Variants in FXYD6 observed in about 807,000 individuals in gnomAD.
FXYD6 encodes FXYD domain containing ion transport regulator 6.
In FXYD6, 7 loss-of-function variants were observed where a neutral mutation model predicts 16.7. The ratio of observed to expected loss-of-function variants is 0.42; its 90% CI spans 0.24 to 0.79. The LOEUF (loss-of-function observed/expected upper bound fraction) is 0.79. FXYD6 is among the 30% of genes least tolerant of loss of function. The pLI, the probability that FXYD6 is intolerant of heterozygous loss-of-function variation, is 0.28. For synonymous variants in FXYD6, 49 were observed against 43.0 expected, an observed-to-expected ratio of 1.14 and a Z score of -0.54; for missense variants, 111 against 116.2, an observed-to-expected ratio of 0.95 and a Z score of 0.21.
chr11:117,846,026 T>A (rs1390129238), intron 1 of FXYD6, among the ~76,000 whole-genome samples: 1 of 152,212 alleles, frequency 6.6e-6, no homozygotes, highest in Admixed American at 6.5e-5. Context: ...TAAAATTGTT[T>A]CCACAGTGGT....
chr11:117,858,508 C>G (rs995653839), intron 1 of FXYD6, among the ~76,000 whole-genome samples: 1 of 152,064 alleles, frequency 6.6e-6, no homozygotes, highest in Non-Finnish European at 1.5e-5. Context: ...CAGCCTCACA[C>G]CCCCAACTTT....
chr11:117,864,070 A>G (rs542984656), intron 1 of FXYD6, among the ~76,000 whole-genome samples: 12 of 152,206 alleles, frequency 7.9e-5, no homozygotes, highest in Non-Finnish European at 1.6e-4. Context: ...AATCCCAATG[A>G]CATGTTTTTG....
chr11:117,841,649 A>G, intron 4 of FXYD6, 142 bp downstream of exon 4: 2 of 827,138 alleles, frequency 2.4e-6, no homozygotes, highest in Non-Finnish European at 4.0e-6. Flanking sequence ...CCAGCACTCT[A>G]CTGGGTCGTG....
intron 1 of FXYD6, among the ~76,000 whole-genome samples, chr11:117,864,541 G>A (rs2056973529): frequency 6.6e-6 from 1 of 151,694 alleles, no homozygotes; most frequent in South Asian, 2.1e-4. Context: ...ATGGTTTCTT[G>A]AATAGGACAA....
At chr11:117,840,484 T>C in intron 5 of FXYD6, 116 bp from the exon 6 acceptor site, 1 of 1,396,124 alleles carries the variant, frequency 7.2e-7, no homozygotes, top group South Asian at 1.2e-5. Flanking sequence ...CCCAGTGCCC[T>C]GAGGGGCTGG....
Position 117,837,912 on chromosome 11 carries a change from G to A in FXYD6, c.*387C>T, listed in dbSNP as rs1224482856. 4.8e-6 allele frequency: 2 copies of A among 420,704 alleles called. No individual in the cohort carries two copies. The highest frequency in any genetic ancestry group is 8.7e-6 in the Non-Finnish European group (2 of 229,360). 26.1% of individuals were successfully genotyped at this position (420,704 alleles called of 1,614,324 possible). A position where few individuals can be genotyped will look rare whatever the true frequency, so the allele number is the denominator to read the frequency against. ...AGCAGAAGGTGATGGAGGGCCACGG[G>A]GGCAGGGAGGAGCAGATGGCCATGT... On this transcript the variant is annotated 3_prime_UTR_variant, in exon 8 of 8. Transcript: ENST00000526014. This position sits in a 1 kb window ranked among gnomAD's most constrained non-coding sequence, Gnocchi z 4.4.
rs2057150337 is a variant in FXYD6, at chr11:117,872,092, C to A, written c.-6+4500G>T. ...GGTTTTTGAGCAGAGGAGTGGCAAA[C>A]CTGGACCTGAGCTGTAACATCAGTG... On this transcript the variant is annotated intron_variant, in intron 1 of 7. Coordinates refer to ENST00000526014, the MANE Select transcript of FXYD6 (RefSeq NM_022003.4). The surrounding 1 kb of genome is among the most constrained non-coding windows in gnomAD (Gnocchi z 4.9). Among the ~76,000 whole-genome samples, 1 of 152,072 alleles carries A rather than the reference C, an allele frequency of 6.6e-6. No individual in the cohort carries two copies. Among genetic ancestry groups the A allele is most frequent in the Non-Finnish European group, 1.5e-5 (1 of 68,018 alleles).
intron 1 of FXYD6, among the ~76,000 whole-genome samples, chr11:117,860,323 C>T (rs1427610339): frequency 1.3e-5 from 2 of 152,170 alleles, no homozygotes; most frequent in Non-Finnish European, 2.9e-5. Context: ...TAGCTGCCAC[C>T]CTGTTTTCTC....
chr11:117,875,330 G>C (rs565499316), intron 1 of FXYD6, among the ~76,000 whole-genome samples: 92 of 152,170 alleles, frequency 6.0e-4, no homozygotes, highest in East Asian at 2.7e-3. Context: ...GAAGTGGGTG[G>C]TGTGAGTAAG....
At chr11:117,841,094 C>T (rs2056330231) in intron 5 of FXYD6, 54 bp downstream of exon 5, 1 of 1,611,576 alleles carries the variant, frequency 6.2e-7, no homozygotes, top group East Asian at 2.2e-5. Flanking sequence ...CCAGGGGTCC[C>T]TTCCTGTCCC....
chr11:117,855,467 C>T (rs1219469875), intron 1 of FXYD6, among the ~76,000 whole-genome samples: 1 of 152,204 alleles, frequency 6.6e-6, no homozygotes, highest in East Asian at 1.9e-4. Context: ...ATGCCTTTGT[C>T]TCACTGCTGC....
At chr11:117,865,284 C>T (rs1394572377) in intron 1 of FXYD6, among the ~76,000 whole-genome samples, 1 of 152,190 alleles carries the variant, frequency 6.6e-6, no homozygotes, top group African/African-American at 2.4e-5. Context: ...AAATGCACAG[C>T]TGCCATGGAA....
At chr11:117,858,518 T>C (rs1402330809) in intron 1 of FXYD6, among the ~76,000 whole-genome samples, 1 of 152,070 alleles carries the variant, frequency 6.6e-6, no homozygotes, top group African/African-American at 2.4e-5. Flanking sequence ...CCCCCAACTT[T>C]GTGCCCTAAA....
intron 1 of FXYD6, among the ~76,000 whole-genome samples, chr11:117,871,923 C>T (rs1180651225): frequency 6.6e-6 from 1 of 152,216 alleles, no homozygotes; most frequent in Non-Finnish European, 1.5e-5. Context: ...GGCTTGAGCT[C>T]AGGCAGAGGG....
Position 117,838,032 on chromosome 11 carries a change from C to T in FXYD6, c.*267G>A. ...AGCCACAAAGACCACAGTTAGCAAA[C>T]ACACACAGTCACACACACACACACA... On this transcript the variant is annotated 3_prime_UTR_variant, in exon 8 of 8. Coordinates refer to ENST00000526014, the MANE Select transcript of FXYD6 (RefSeq NM_022003.4). 1 of 603,504 alleles carries T rather than the reference C, an allele frequency of 1.7e-6. No homozygotes were observed. Among genetic ancestry groups the T allele is most frequent in the Non-Finnish European group, 2.9e-6 (1 of 339,680 alleles). 37.4% of individuals were successfully genotyped at this position (603,504 alleles called of 1,614,324 possible).
At chr11:117,846,092 C>A (rs1290980120) in intron 1 of FXYD6, among the ~76,000 whole-genome samples, 1 of 152,180 alleles carries the variant, frequency 6.6e-6, no homozygotes, top group South Asian at 2.1e-4. Flanking sequence ...TACTCTACAA[C>A]CTGTTGTGGA....
At chr11:117,873,298 T>C (rs181769057) in intron 1 of FXYD6, among the ~76,000 whole-genome samples, 1 of 152,320 alleles carries the variant, frequency 6.6e-6, no homozygotes, top group Admixed American at 6.5e-5. Flanking sequence ...AGGGATCTCT[T>C]TCAAGATTGT....
intron 6 of FXYD6, 178 bp downstream of exon 6, chr11:117,840,141 T>C: frequency 1.3e-6 from 1 of 750,382 alleles, no homozygotes; most frequent in South Asian, 1.7e-5. Flanking sequence ...GTGACACTAG[T>C]AGTAGCCTGT....
chr11:117,861,859 T>G (rs765360524), intron 1 of FXYD6, among the ~76,000 whole-genome samples: 2 of 152,222 alleles, frequency 1.3e-5, no homozygotes, highest in Admixed American at 1.3e-4. Context: ...CAGCTGACAC[T>G]GGCTCCCGGC....
Sources: gnomAD v4.1 joint callset for allele counts (sites outside exome capture counted in the v4.1 genomes callset) on GRCh38, gnomAD v4.1.1 for gene constraint, Gnocchi (gnomAD v3.1) non-coding constraint, MANE v1.5 for transcripts, NCBI Gene and HGNC (gene_info 2026-07-23, HGNC 2026-07-21) for gene names.